The following KTN1 variants were observed in gnomAD, a reference collection of about 807,000 sequenced individuals.
KTN1 encodes kinectin.
A neutral mutation model predicts 222.5 loss-of-function variants in KTN1; 130 were observed. The ratio of observed to expected loss-of-function variants is 0.58; its 90% CI spans 0.51 to 0.68. KTN1 has a LOEUF of 0.68. Among genes scored for constraint, KTN1 ranks in the 30% least tolerant of loss-of-function variants. The pLI, the probability that KTN1 is intolerant of heterozygous loss-of-function variation, is 0.00. For synonymous variants in KTN1, 512 were observed against 496.3 expected (o/e 1.03, Z -0.42); for missense variants, 1,508 against 1,500.4 (o/e 1.01, Z -0.08).
chr14:55,613,008 A>G (rs10136408), intron 2 of KTN1, among the ~76,000 whole-genome samples: 79,597 of 152,070 alleles, frequency 0.52, 23,885 homozygotes, highest in Non-Finnish European at 0.68. Context: ...TCTAAATGAT[A>G]TGGTAAGAAT....
intron 34 of KTN1, among the ~76,000 whole-genome samples, chr14:55,669,844 C>A (rs3783654): frequency 0.54 from 82,632 of 151,628 alleles, 24,473 homozygotes; most frequent in African/African-American, 0.8. Context: ...TTGATAGTTT[C>A]CAGAGAATCC....
chr14:55,667,379 GGT>G, intron 34 of KTN1, 49 bp downstream of exon 34: 1 of 1,122,332 alleles, frequency 8.9e-7, no homozygotes. Flanking sequence ...ATTCAAGAAA[GGT>G]GTGAATAAGC....
chr14:55,614,842 A>C (rs2038118652), intron 2 of KTN1, among the ~76,000 whole-genome samples: 1 of 152,172 alleles, frequency 6.6e-6, no homozygotes, highest in Admixed American at 6.5e-5. Flanking sequence ...GGTAGCACTA[A>C]AATAGGTAAT....
intron 42 of KTN1, chr14:55,678,998 A>G (rs911057352): frequency 2.6e-5 from 4 of 155,150 alleles, no homozygotes; most frequent in East Asian, 1.9e-4. Context: ...TAGACTGCCT[A>G]TGTTTGAATC....
intron 31 of KTN1, 54 bp downstream of exon 31, chr14:55,659,757 T>TA (rs2043908663): frequency 2.0e-6 from 2 of 1,014,236 alleles, no homozygotes; most frequent in South Asian, 2.7e-5. Context: ...TTTTATGTGG[T>TA]AAACCATTCT....
At chr14:55,656,281 G>A in intron 29 of KTN1, 149 bp downstream of exon 29, 1 of 600,750 alleles carries the variant, frequency 1.7e-6, no homozygotes, top group South Asian at 2.3e-5. Flanking sequence ...TGTTTTTTGA[G>A]TAAGTACCCA....
chr14:55,652,802 A>G (rs758409282), intron 25 of KTN1, 48 bp from the exon 26 acceptor site: 5 of 1,369,516 alleles, frequency 3.7e-6, no homozygotes, highest in Middle Eastern at 1.9e-4. Flanking sequence ...TTTGCTTTTT[A>G]TGGTCATGTA....
At chr14:55,600,708 CGGTATG>C (rs2035846933) in intron 1 of KTN1, among the ~76,000 whole-genome samples, 1 of 151,820 alleles carries the variant, frequency 6.6e-6, no homozygotes, top group African/African-American at 2.4e-5. Flanking sequence ...AGCTGTTTTA[CGGTATG>C]AATTTCATGT....
Position 55,673,211 on chromosome 14 carries a change from G to T in KTN1, c.3727G>T (p.Asp1243Tyr). The T allele has an allele frequency of 6.2e-7, 1 of 1,613,180 alleles. No individual in the cohort carries two copies. Among genetic ancestry groups the T allele is most frequent in the South Asian group, 1.1e-5 (1 of 91,012 alleles). The change falls in exon 40 of 44, where the codon GAT (aspartate) becomes TAT (tyrosine). Residue 1243 changes from aspartate to tyrosine, a missense_variant. Asp to Tyr is a radical substitution (Grantham distance 160). Transcript: ENST00000395314. ...GACTGAATTGCAGAAAAAACTTGAT[G>T]ATTCATATTCTGAAGCAGTAAGACA... is the stretch of plus-strand genomic sequence containing the variant. The part of the protein sequence containing the change: ...LLTELQKKLD[D>Y]SYSEAVRQNE...
Position 55,673,006 on chromosome 14 carries a change from C to T in KTN1, c.3681C>T (p.Val1227=). 1.2e-6 allele frequency: 2 copies of T among 1,607,922 alleles called. No homozygotes were observed. Among genetic ancestry groups the T allele is most frequent in the Non-Finnish European group, 1.7e-6 (2 of 1,174,628 alleles). Residue 1227 remains valine (V), a synonymous_variant, in exon 39 of 44, where the codon GTC becomes GTT. Coordinates refer to ENST00000395314, the MANE Select transcript of KTN1 (RefSeq NM_001079521.2). ...AACGATCTACCTATGTTACAGAAGT[C>T]AGAGAGGTACTTACAACAGAATCTT... ...EMERSTYVTE[V]RELKDLLTEL...
At chr14:55,662,293 C>T (rs900323510) in intron 32 of KTN1, among the ~76,000 whole-genome samples, 6 of 152,100 alleles carry the variant, frequency 3.9e-5, no homozygotes, top group African/African-American at 1.2e-4. Context: ...TGGTCTCGAA[C>T]TCCTGATCTC....
At chr14:55,600,664 AT>A in intron 1 of KTN1, among the ~76,000 whole-genome samples, 1 of 134,674 alleles carries the variant, frequency 7.4e-6, no homozygotes, top group South Asian at 2.5e-4. Context: ...AAGATGGTAG[AT>A]TTTAAGGGGA....
At chr14:55,590,697 A>G (rs990792250) in intron 1 of KTN1, among the ~76,000 whole-genome samples, 1 of 144,992 alleles carries the variant, frequency 6.9e-6, no homozygotes, top group African/African-American at 2.6e-5. Flanking sequence ...TTTTTTTGAG[A>G]TGGAGTCTCG....
intron 2 of KTN1, among the ~76,000 whole-genome samples, chr14:55,613,603 C>G (rs1038202121): frequency 1.4e-5 from 2 of 142,940 alleles, no homozygotes; most frequent in African/African-American, 5.1e-5. Context: ...AAGTGATTCT[C>G]CTGCCTCAGC....
At chr14:55,645,106 C>T (rs139517642) in intron 18 of KTN1, among the ~76,000 whole-genome samples, 17 of 152,128 alleles carry the variant, frequency 1.1e-4, no homozygotes, top group African/African-American at 3.9e-4. Flanking sequence ...AGAGATAATG[C>T]ATTCTATTAA....
At chr14:55,659,456 CAGT>C (rs1275135581) in intron 30 of KTN1, among the ~76,000 whole-genome samples, 1 of 152,016 alleles carries the variant, frequency 6.6e-6, no homozygotes, top group Non-Finnish European at 1.5e-5. Context: ...TACGTTGCGA[CAGT>C]AGAGATTGGA....
At chr14:55,608,784 C>T (rs954975880) in intron 1 of KTN1, among the ~76,000 whole-genome samples, 18 of 151,986 alleles carry the variant, frequency 1.2e-4, no homozygotes, top group African/African-American at 3.9e-4. Context: ...CGCGTACCAC[C>T]ACGCCCGGCT....
At chr14:55,630,475 G>A (rs1237598427) in intron 7 of KTN1, among the ~76,000 whole-genome samples, 1 of 152,186 alleles carries the variant, frequency 6.6e-6, no homozygotes, top group Non-Finnish European at 1.5e-5. Flanking sequence ...TACTTGGTGT[G>A]ATTTCTTAGT....
intron 21 of KTN1, 133 bp downstream of exon 21, chr14:55,649,003 G>T: frequency 1.6e-6 from 1 of 632,848 alleles, no homozygotes. Context: ...ATAACTCACC[G>T]TAACCTCGAA....
Sources: gnomAD v4.1 joint callset for allele counts (sites outside exome capture counted in the v4.1 genomes callset) on GRCh38, gnomAD v4.1.1 for gene constraint, MANE v1.5 for transcripts, NCBI Gene and HGNC (gene_info 2026-07-23, HGNC 2026-07-21) for gene names.